ANO3: variants seen among roughly 807,000 people sequenced by gnomAD.
The protein encoded by ANO3 is anoctamin-3.
Under a neutral mutation model 144.8 loss-of-function variants are expected in ANO3, and 99 were observed. The ratio of observed to expected loss-of-function variants is 0.68; its 90% confidence interval spans 0.58 to 0.81. ANO3 has a LOEUF of 0.81. Among genes scored for constraint, ANO3 ranks in the 30% least tolerant of loss-of-function variants. The pLI, the probability that ANO3 is intolerant of heterozygous loss-of-function variation, is 0.00. For missense variants in ANO3, 905 were observed against 1,202.2 expected (o/e 0.75, Z 3.66); for synonymous variants, 414 against 392.6 (o/e 1.05, Z -0.64).
chr11:26,553,398 G>C, intron 13 of ANO3, 53 bp downstream of exon 13: 1 of 1,290,864 alleles, frequency 7.7e-7, no homozygotes, highest in Non-Finnish European at 1.1e-6. Context: ...GAAGCAGGCT[G>C]TAAGAAGTCC....
At chr11:26,602,383 G>C (rs1397655057) in intron 17 of ANO3, among the ~76,000 whole-genome samples, 1 of 152,010 alleles carries the variant, frequency 6.6e-6, no homozygotes, top group Non-Finnish European at 1.5e-5. Context: ...TAGGTAAATA[G>C]CCACAAATCA....
At chr11:26,332,348 C>T (rs770775227) in intron 1 of ANO3, 27 bp downstream of exon 1, 5 of 1,612,544 alleles carry the variant, frequency 3.1e-6, no homozygotes, top group Admixed American at 1.7e-5. Context: ...CTCCCCTCTC[C>T]CTGCGGGCGT....
chr11:26,258,646 C>T (rs1196918596), intron 1 of ANO3, among the ~76,000 whole-genome samples: 1 of 152,128 alleles, frequency 6.6e-6, no homozygotes, highest in Non-Finnish European at 1.5e-5. Context: ...CTCTCTCGAA[C>T]TCCATAGGGG....
At chr11:26,365,869 T>G (rs1856055880) in intron 1 of ANO3, among the ~76,000 whole-genome samples, 1 of 151,786 alleles carries the variant, frequency 6.6e-6, no homozygotes, top group Admixed American at 6.6e-5. Flanking sequence ...TATTAGCGCT[T>G]GGCTCCTTTT....
intron 17 of ANO3, among the ~76,000 whole-genome samples, chr11:26,609,264 T>TA (rs1343045485): frequency 6.6e-6 from 1 of 152,154 alleles, no homozygotes; most frequent in Non-Finnish European, 1.5e-5. Context: ...ACCAGCCGCC[T>TA]AGTCAAGTCT....
intron 12 of ANO3, 107 bp from the exon 13 acceptor site, chr11:26,553,142 T>C: frequency 1.3e-6 from 1 of 796,762 alleles, no homozygotes; most frequent in South Asian, 1.6e-5. Context: ...CTCCTTTTCC[T>C]CTCTGCCTTG....
intron 3 of ANO3, among the ~76,000 whole-genome samples, chr11:26,452,462 C>G (rs1346836818): frequency 6.6e-5 from 10 of 152,026 alleles, no homozygotes; most frequent in Admixed American, 3.9e-4. Flanking sequence ...ATGCGATCAA[C>G]TGGAAGAAAG....
At chr11:26,307,665 G>A (rs1195460723), upstream of ANO3, among the ~76,000 whole-genome samples, 1 of 151,024 alleles carries the variant, frequency 6.6e-6, no homozygotes, top group Non-Finnish European at 1.5e-5. Flanking sequence ...GTCGCAGTGA[G>A]CAGAGATGTC....
At chr11:26,618,521 C>A (rs1469445644) in intron 17 of ANO3, among the ~76,000 whole-genome samples, 7 of 152,128 alleles carry the variant, frequency 4.6e-5, no homozygotes, top group Non-Finnish European at 2.9e-5. Flanking sequence ...TTGGAAGGAT[C>A]TTTTTAAATA....
At chr11:26,615,394 T>TTATATATA (rs201511864) in intron 17 of ANO3, among the ~76,000 whole-genome samples, 22 of 128,878 alleles carry the variant, frequency 1.7e-4, no homozygotes, top group African/African-American at 3.5e-4. Flanking sequence ...TTCTGTCAGT[T>TTATATATA]TATATATATA....
chr11:26,526,846 G>A (rs1483367090), intron 7 of ANO3, among the ~76,000 whole-genome samples: 1 of 151,976 alleles, frequency 6.6e-6, no homozygotes, highest in Non-Finnish European at 1.5e-5. Flanking sequence ...TTCCCATGTG[G>A]GTATTTGGTC....
intron 1 of ANO3, among the ~76,000 whole-genome samples, chr11:26,393,352 C>T (rs1431889906): frequency 6.6e-6 from 1 of 152,068 alleles, no homozygotes; most frequent in Non-Finnish European, 1.5e-5. Context: ...CTTTACTTGC[C>T]ATTTTGTTCT....
At chr11:26,230,797 C>CAAAAAAAAA (rs1168180646) in intron 1 of ANO3, among the ~76,000 whole-genome samples, 5 of 11,338 alleles carry the variant, frequency 4.4e-4, no homozygotes, top group African/African-American at 7.1e-4. Flanking sequence ...ACTCCATCTC[C>CAAAAAAAAA]AAAAAAAAAA....
intron 9 of ANO3, among the ~76,000 whole-genome samples, chr11:26,536,426 A>T (rs1849511501): frequency 1.3e-5 from 2 of 152,082 alleles, no homozygotes; most frequent in African/African-American, 4.8e-5. Flanking sequence ...TGAAATAATT[A>T]TGACATTATA....
intron 14 of ANO3, among the ~76,000 whole-genome samples, chr11:26,573,162 C>T (rs990140375): frequency 4.6e-5 from 7 of 152,028 alleles, no homozygotes; most frequent in African/African-American, 1.4e-4. Context: ...GAGCGAGAAA[C>T]GAAACTTTAG....
chr11:26,409,127 TA>T (rs11291107), intron 1 of ANO3, among the ~76,000 whole-genome samples: 18,533 of 147,456 alleles, frequency 0.13, 2,144 homozygotes, highest in African/African-American at 0.32. Flanking sequence ...TTAAGTACAA[TA>T]AAAAAAAAAA....
At chr11:26,414,422 G>T (rs1332279424) in intron 1 of ANO3, among the ~76,000 whole-genome samples, 1 of 152,086 alleles carries the variant, frequency 6.6e-6, no homozygotes, top group Non-Finnish European at 1.5e-5. Context: ...AAAAAAGAAT[G>T]AGATCGTGTC....
chr11:26,203,142 T>C (rs770119784), intron 1 of ANO3, among the ~76,000 whole-genome samples: 2 of 152,152 alleles, frequency 1.3e-5, no homozygotes, highest in Non-Finnish European at 2.9e-5. Flanking sequence ...CTATTGATAG[T>C]TTCAAAAGAA....
At chr11:26,562,966 G>T in intron 14 of ANO3, 1 of 1,141,136 alleles carries the variant, frequency 8.8e-7, no homozygotes, top group Non-Finnish European at 1.1e-6. Flanking sequence ...TTTGTTCTTT[G>T]ATAAACAGAA....
Sources: allele counts gnomAD v4.1 joint callset (sites outside exome capture counted in the v4.1 genomes callset), GRCh38; gene constraint gnomAD v4.1.1; transcripts MANE v1.5; gene names NCBI Gene and HGNC (gene_info 2026-07-23, HGNC 2026-07-21).